The following CNTNAP2 variants were observed in gnomAD, a reference collection of about 807,000 sequenced individuals.
CNTNAP2 encodes the protein contactin associated protein 2.
A neutral mutation model predicts 155.2 loss-of-function variants in CNTNAP2; 98 were observed. That is an observed-to-expected ratio of 0.63 (90% CI 0.54 to 0.75). The LOEUF is 0.75. Among genes scored for constraint, CNTNAP2 ranks in the 30% least tolerant of loss-of-function variants. The probability of loss-of-function intolerance (pLI) is 0.00; values close to 1 mark genes in which losing one functional copy is unlikely to be tolerated. For missense variants in CNTNAP2, 1,727 were observed against 1,688.1 expected (o/e 1.02, Z -0.40); for synonymous variants, 651 against 631.2 (o/e 1.03, Z -0.47).
intron 13 of CNTNAP2, among the ~76,000 whole-genome samples, chr7:147,803,902 C>T (rs1014845023): frequency 1.3e-5 from 2 of 152,332 alleles, no homozygotes; most frequent in East Asian, 1.9e-4. Flanking sequence ...CTCCCTATTG[C>T]CTGCACTTAA....
intron 17 of CNTNAP2, among the ~76,000 whole-genome samples, chr7:148,152,759 G>A (rs1043487634): frequency 5.9e-5 from 9 of 152,082 alleles, no homozygotes; most frequent in African/African-American, 1.7e-4. Flanking sequence ...GGCGGCTCAC[G>A]CCTGTAATCC....
In CNTNAP2 at chr7:146,712,653, T is replaced by C. The variant is rs78779806; in HGVS notation, c.98-61618T>C. Among the ~76,000 whole-genome samples, 41 of 151,770 alleles carry C rather than the reference T, an allele frequency of 2.7e-4. No homozygotes were observed. In the East Asian group the frequency reaches 5.0e-3, roughly 19 times the overall value. On this transcript the variant is annotated intron_variant, in intron 1 of 23. Coordinates refer to ENST00000361727, the MANE Select transcript of CNTNAP2 (RefSeq NM_014141.6). Reference sequence around the variant, plus strand: ...CCCCATGACTAGAATTTTGATCTACTTTTGCCTTTTTTTTTCTTTTTTAGT... The same window carrying C: ...CCCCATGACTAGAATTTTGATCTACCTTTGCCTTTTTTTTTCTTTTTTAGT...
At chr7:146,664,437 C>T (rs2642509) in intron 1 of CNTNAP2, among the ~76,000 whole-genome samples, 120,184 of 152,030 alleles carry the variant, frequency 0.79, 48,086 homozygotes, top group South Asian at 0.91. Flanking sequence ...CTGGGATTAC[C>T]GGCGTGACCC....
Position 147,121,173 on chromosome 7 carries a change from A to G in CNTNAP2, c.939+10A>G, listed in dbSNP as rs1801104720. On this transcript the variant is annotated intron_variant, in intron 6 of 23. Coordinates refer to ENST00000361727, the MANE Select transcript of CNTNAP2 (RefSeq NM_014141.6). ...GGACTTGGACTATGAGGTACATGTGATGACGTAGAAATTGTAATAAAATGT... is the reference window on the plus strand; with the variant it reads ...GGACTTGGACTATGAGGTACATGTGGTGACGTAGAAATTGTAATAAAATGT... The G allele has an allele frequency of 1.9e-6, 3 of 1,613,392 alleles. No individual in the cohort carries two copies. Among genetic ancestry groups the G allele is most frequent in the Non-Finnish European group, 2.5e-6 (3 of 1,179,478 alleles).
At chr7:147,881,977 C>T (rs117506540) in intron 13 of CNTNAP2, among the ~76,000 whole-genome samples, 4,994 of 151,982 alleles carry the variant, frequency 0.033, 129 homozygotes, top group Non-Finnish European at 0.053. Context: ...ATCCACCCCT[C>T]ATCCCTACCA....
At chr7:146,253,890 C>A (rs1438565773) in intron 1 of CNTNAP2, among the ~76,000 whole-genome samples, 1 of 134,738 alleles carries the variant, frequency 7.4e-6, no homozygotes, top group East Asian at 2.0e-4. Flanking sequence ...AACCCTGTCA[C>A]TACAAAAAAA....
At chr7:146,852,624 C>G (rs1318059271) in intron 3 of CNTNAP2, among the ~76,000 whole-genome samples, 1 of 152,118 alleles carries the variant, frequency 6.6e-6, no homozygotes, top group African/African-American at 2.4e-5. Flanking sequence ...AAACTGGATT[C>G]CAGCAAACAT....
At chr7:147,155,834 C>A (rs1400023976) in intron 8 of CNTNAP2, among the ~76,000 whole-genome samples, 1 of 151,982 alleles carries the variant, frequency 6.6e-6, no homozygotes, top group East Asian at 1.9e-4. Flanking sequence ...CCAGCTTGTG[C>A]TAATACCCTA....
intron 13 of CNTNAP2, among the ~76,000 whole-genome samples, chr7:147,649,473 T>A (rs1795417580): frequency 6.6e-6 from 1 of 152,178 alleles, no homozygotes; most frequent in Non-Finnish European, 1.5e-5. Flanking sequence ...TTCTTAAGTT[T>A]TCAGACGGGA....
At chr7:147,722,958 T>A (rs1039570875) in intron 13 of CNTNAP2, among the ~76,000 whole-genome samples, 3 of 152,096 alleles carry the variant, frequency 2.0e-5, no homozygotes, top group African/African-American at 7.2e-5. Flanking sequence ...TCACACTGAC[T>A]GATTGATGTT....
In CNTNAP2 at chr7:147,121,148, G is replaced by A. The variant is rs769347712; in HGVS notation, c.924G>A (p.Leu308=). The A allele has an allele frequency of 5.0e-6, 8 of 1,614,016 alleles. No individual in the cohort carries two copies. The Admixed American group carries it at 1.3e-4, about 27-fold the overall frequency. The part of the protein sequence containing the change: ...HFRTNGEFDY[L]DLDYEITFGG... ...GTACCAATGGAGAGTTTGACTACCT[G>A]GACTTGGACTATGAGGTACATGTGA... The change falls in exon 6 of 24, where the codon CTG becomes CTA. Residue 308 remains leucine, a synonymous_variant. Transcript: ENST00000361727.
At chr7:146,584,314 T>C (rs544103313) in intron 1 of CNTNAP2, among the ~76,000 whole-genome samples, 1 of 152,268 alleles carries the variant, frequency 6.6e-6, no homozygotes, top group African/African-American at 2.4e-5. Context: ...ACAATCATCA[T>C]TGCACCGAAA....
At chr7:148,131,041 A>G (rs886441917) in intron 16 of CNTNAP2, among the ~76,000 whole-genome samples, 4 of 131,814 alleles carry the variant, frequency 3.0e-5, no homozygotes, top group African/African-American at 5.7e-5. Context: ...TTTTTCTTCT[A>G]TCTCACTCTC....
At chr7:146,349,603 G>A (rs1293758074) in intron 1 of CNTNAP2, among the ~76,000 whole-genome samples, 2 of 152,108 alleles carry the variant, frequency 1.3e-5, no homozygotes, top group Non-Finnish European at 2.9e-5. Context: ...GCAGTGGCTG[G>A]TACTGGTTGT....
At chr7:146,626,067 G>A (rs145451604) in intron 1 of CNTNAP2, among the ~76,000 whole-genome samples, 3,420 of 152,188 alleles carry the variant, frequency 0.022, 46 homozygotes, top group Middle Eastern at 0.041. Flanking sequence ...CAATTTCAGA[G>A]CTTCAAACTT....
chr7:146,189,961 A>C (rs1317866632), intron 1 of CNTNAP2, among the ~76,000 whole-genome samples: 3 of 152,158 alleles, frequency 2.0e-5, no homozygotes, highest in African/African-American at 7.2e-5. Context: ...TGATCCCATA[A>C]ATTACTTTAA....
At chr7:147,341,842 A>G (rs1044264079) in intron 9 of CNTNAP2, among the ~76,000 whole-genome samples, 1 of 152,042 alleles carries the variant, frequency 6.6e-6, no homozygotes, top group African/African-American at 2.4e-5. Flanking sequence ...CCATTTATTC[A>G]TCTTAAAAGT....
At chr7:148,039,432 G>C (rs1802629107) in intron 15 of CNTNAP2, among the ~76,000 whole-genome samples, 1 of 152,108 alleles carries the variant, frequency 6.6e-6, no homozygotes, top group African/African-American at 2.4e-5. Flanking sequence ...ATCTCCTCTG[G>C]AAAGACCCTT....
At chr7:147,616,294 A>G (rs766047091) in intron 12 of CNTNAP2, among the ~76,000 whole-genome samples, 64 of 152,194 alleles carry the variant, frequency 4.2e-4, no homozygotes, top group Admixed American at 2.9e-3. Context: ...TTGCCCTGCT[A>G]CTAATTATTG....
Sources: gnomAD v4.1 joint callset for allele counts (sites outside exome capture counted in the v4.1 genomes callset) on GRCh38, gnomAD v4.1.1 for gene constraint, MANE v1.5 for transcripts, NCBI Gene and HGNC (gene_info 2026-07-23, HGNC 2026-07-21) for gene names.